BTNL8: variants seen among roughly 807,000 people sequenced by gnomAD.
BTNL8 encodes butyrophilin-like protein 8.
Under a neutral mutation model 36.1 loss-of-function variants are expected in BTNL8, and 22 were observed. The ratio of observed to expected loss-of-function variants is 0.61; its 90% confidence interval spans 0.44 to 0.87. The LOEUF is 0.87. BTNL8 is among the 40% of genes least tolerant of loss of function. BTNL8 has a pLI of 0.00. For synonymous variants in BTNL8, 203 were observed against 235.6 expected (o/e 0.86, Z 1.27); for missense variants, 526 against 616.9 (o/e 0.85, Z 1.56).
At chr5:180,944,120 T>C (rs1759113719) in intron 3 of BTNL8, among the ~76,000 whole-genome samples, 1 of 152,186 alleles carries the variant, frequency 6.6e-6, no homozygotes, top group Non-Finnish European at 1.5e-5. Context: ...CCAAAAAGTT[T>C]ATCTCATAGA....
intron 6 of BTNL8, 56 bp from the exon 7 acceptor site, chr5:180,949,183 T>C (rs1316617198): frequency 1.4e-6 from 2 of 1,440,186 alleles, no homozygotes; most frequent in Non-Finnish European, 9.5e-7. Flanking sequence ...CCCTTCTCCC[T>C]GCGCCCTGTT....
chr5:180,940,946 A>T (rs545547863), intron 3 of BTNL8, among the ~76,000 whole-genome samples: 2 of 152,212 alleles, frequency 1.3e-5, no homozygotes, highest in East Asian at 3.9e-4. Flanking sequence ...CATAAAAATT[A>T]GCTGGGCTTG....
intron 3 of BTNL8, among the ~76,000 whole-genome samples, chr5:180,915,116 A>G (rs1292327463): frequency 6.6e-6 from 1 of 151,948 alleles, no homozygotes; most frequent in East Asian, 1.9e-4. Context: ...CAGCCAGTGC[A>G]TGGACCTGAA....
chr5:180,916,073 C>T (rs1207372783), intron 3 of BTNL8, among the ~76,000 whole-genome samples: 1 of 152,108 alleles, frequency 6.6e-6, no homozygotes. Context: ...CTGTGAGGGC[C>T]TTCTAGTTGT....
rs575054686 is a variant in BTNL8 at position 180,948,252 on chromosome 5, C to A, written c.788-103C>A. The A allele has an allele frequency of 1.7e-3, 2,394 of 1,424,544 alleles. 173 individuals carry two copies. The highest frequency in any genetic ancestry group is 0.014 in the Admixed American group (745 of 54,052). 88.2% of individuals were successfully genotyped at this position (1,424,544 alleles called of 1,614,324 possible). A position where few individuals can be genotyped will look rare whatever the true frequency, so the allele number is the denominator to read the frequency against. ...TATAAGTGTCCTAGGAGAGGCCCTG[C>A]CCTTCACACCTGCAGCTCGTCCCAC... On this transcript the variant is annotated intron_variant, in intron 4 of 7. Coordinates refer to ENST00000340184, the MANE Select transcript of BTNL8 (RefSeq NM_001040462.3).
At chr5:180,901,103 A>C (rs989825) in intron 1 of BTNL8, among the ~76,000 whole-genome samples, 58,940 of 152,106 alleles carry the variant, frequency 0.39, 13,043 homozygotes, top group African/African-American at 0.61. Context: ...ACCAGGTCAG[A>C]AGCTGGTCAG....
intron 1 of BTNL8, among the ~76,000 whole-genome samples, chr5:180,904,690 A>C (rs1281730787): frequency 3.4e-5 from 4 of 117,576 alleles, no homozygotes; most frequent in African/African-American, 1.1e-4. Context: ...ATTATTTTGA[A>C]ATACGTCCCA....
In BTNL8 at chr5:180,908,805, A is replaced by T; in HGVS notation, c.269A>T (p.Asp90Val). Residue 90 changes from aspartate (D) to valine (V), a missense_variant, in exon 2 of 8, where the codon GAT becomes GTT. Physicochemically the swap from Asp to Val is radical, Grantham distance 152. Around this residue, in one of 2 missense-constraint regions of BTNL8, gnomAD observed 350 missense variants for 324.6 expected, o/e 1.08. Coordinates refer to ENST00000340184, the MANE Select transcript of BTNL8 (RefSeq NM_001040462.3). ...QYQGRTKLVKDSIAEGRISLR... is the reference protein window; with the variant it reads ...QYQGRTKLVKVSIAEGRISLR... ...CAAGGCAGGACAAAACTGGTGAAGGATTCTATTGCGGAGGGGCGCATCTCT... is the reference window on the plus strand; with the variant it reads ...CAAGGCAGGACAAAACTGGTGAAGGTTTCTATTGCGGAGGGGCGCATCTCT... 1.2e-6 allele frequency: 2 copies of T among 1,614,138 alleles called. No individual in the cohort carries two copies. Among genetic ancestry groups the T allele is most frequent in the Non-Finnish European group, 8.5e-7 (1 of 1,180,014 alleles).
intron 3 of BTNL8, 75 bp from the exon 4 acceptor site, chr5:180,947,437 G>A (rs1759315304): frequency 1.3e-6 from 2 of 1,546,930 alleles, no homozygotes; most frequent in African/African-American, 1.4e-5. Context: ...GGGGAACAAG[G>A]TGACTCCTTA....
At chr5:180,947,734 C>G in intron 4 of BTNL8, 109 bp downstream of exon 4, 1 of 1,614,182 alleles carries the variant, frequency 6.2e-7, no homozygotes, top group Non-Finnish European at 8.5e-7. Context: ...GTCCTAGCCT[C>G]CAGGGGCCCA....
intron 3 of BTNL8, among the ~76,000 whole-genome samples, chr5:180,914,502 A>C (rs1757537714): frequency 6.6e-6 from 1 of 152,242 alleles, no homozygotes; most frequent in Admixed American, 6.5e-5. Context: ...TCACAATATA[A>C]TTAAATTCAA....
chr5:180,899,501 G>C, intron 1 of BTNL8, 142 bp downstream of exon 1: 1 of 962,542 alleles, frequency 1.0e-6, no homozygotes, highest in South Asian at 1.4e-5. Context: ...GAAGGATCAG[G>C]CGCTGTGGAA....
chr5:180,918,133 T>C (rs766344519), intron 3 of BTNL8, among the ~76,000 whole-genome samples: 2 of 151,910 alleles, frequency 1.3e-5, no homozygotes, highest in African/African-American at 2.4e-5. Flanking sequence ...ACTCATTTTA[T>C]GAGGCCACAG....
At chr5:180,899,673 A>G (rs2113754992) in intron 1 of BTNL8, among the ~76,000 whole-genome samples, 1 of 152,334 alleles carries the variant, frequency 6.6e-6, no homozygotes, top group Admixed American at 6.5e-5. Flanking sequence ...GGTTGCTGAC[A>G]TGGATGTCCA....
At chr5:180,932,391 G>A (rs959224419) in intron 3 of BTNL8, among the ~76,000 whole-genome samples, 7 of 152,186 alleles carry the variant, frequency 4.6e-5, no homozygotes, top group African/African-American at 1.7e-4. Context: ...CTGTCGCCCA[G>A]GCTGGAGTGC....
At chr5:180,943,654 T>C (rs908126141) in intron 3 of BTNL8, among the ~76,000 whole-genome samples, 2 of 152,224 alleles carry the variant, frequency 1.3e-5, no homozygotes, top group Non-Finnish European at 2.9e-5. Flanking sequence ...GATTTTCAAT[T>C]AGTGTGTTCA....
intron 1 of BTNL8, among the ~76,000 whole-genome samples, chr5:180,908,036 G>T (rs1757180238): frequency 6.6e-6 from 1 of 152,244 alleles, no homozygotes; most frequent in Non-Finnish European, 1.5e-5. Context: ...TTGAGCTGTG[G>T]TGGGCTCCAC....
chr5:180,933,692 A>G (rs1228731669), intron 3 of BTNL8, among the ~76,000 whole-genome samples: 1 of 152,142 alleles, frequency 6.6e-6, no homozygotes, highest in Non-Finnish European at 1.5e-5. Flanking sequence ...AAGAAGAAGG[A>G]TCTCTAATAA....
In BTNL8 at chr5:180,941,110, G is replaced by GAGGAAGGAAGGAAGGAAGGA. The variant is rs1177352611; in HGVS notation, c.674-6377_674-6358dup. On this transcript the variant is annotated intron_variant, in intron 3 of 7. Coordinates refer to ENST00000340184, the MANE Select transcript of BTNL8 (RefSeq NM_001040462.3). ...GAAGGGAGGGAGGGAGGAAGGAAGG[G>GAGGAAGGAAGGAAGGAAGGA]AGGAAGGAAGGAAGGAAGGAAGGAA... Among the ~76,000 whole-genome samples the GAGGAAGGAAGGAAGGAAGGA allele has an allele frequency of 1.7e-3, 211 of 126,872 alleles. 1 individual carries two copies. In the Middle Eastern group the frequency reaches 0.02, roughly 12 times the overall value. The allele number at this position is 126,872 out of a possible 152,430, so 83.2% of individuals were successfully genotyped here.
Sources: allele counts gnomAD v4.1 joint callset (sites outside exome capture counted in the v4.1 genomes callset), GRCh38; gene constraint gnomAD v4.1.1; regional missense constraint gnomAD v4.1.1; transcripts MANE v1.5; gene names NCBI Gene and HGNC (gene_info 2026-07-23, HGNC 2026-07-21).